TCF20: variants seen among roughly 807,000 people sequenced by gnomAD.
The protein encoded by TCF20 is transcription factor 20, also known as SPRE-binding protein.
Under a neutral mutation model 148.6 loss-of-function variants are expected in TCF20, and 3 were observed. The ratio of observed to expected loss-of-function variants is 0.02; its 90% CI spans 0.01 to 0.05. The LOEUF is 0.05. Ranked by LOEUF, TCF20 falls within the 10% of genes least tolerant of loss-of-function variation. TCF20 has a pLI of 1.00. For synonymous variants in TCF20, 1,049 were observed against 909.5 expected, an observed-to-expected ratio of 1.15 and a Z score of -2.76; for missense variants, 2,350 against 2,429.3, an observed-to-expected ratio of 0.97 and a Z score of 0.69.
intron 1 of TCF20, among the ~76,000 whole-genome samples, chr22:42,256,785 T>C (rs1925769902): frequency 6.6e-6 from 1 of 152,224 alleles, no homozygotes; most frequent in South Asian, 2.1e-4. Context: ...GTTGTGTTTA[T>C]AGGAGTCATC....
At chr22:42,172,373 T>G (rs1936183811) in intron 3 of TCF20, among the ~76,000 whole-genome samples, 1 of 152,194 alleles carries the variant, frequency 6.6e-6, no homozygotes, top group Non-Finnish European at 1.5e-5. Flanking sequence ...TGCACCTACA[T>G]GGCCAGCCAG....
intron 1 of TCF20, among the ~76,000 whole-genome samples, chr22:42,239,780 G>A (rs991268397): frequency 5.9e-5 from 9 of 152,280 alleles, no homozygotes; most frequent in South Asian, 2.1e-4. Context: ...GAGACAGAGC[G>A]AGACTCCGAC....
rs1486830732 is a variant in TCF20, at chr22:42,161,143, T to C, written c.*260A>G. ...CCCCCCTCCCCCCACATTGTCACTA[T>C]GGAGATTGTGTCCATGGAAACAGCC... On this transcript the variant is annotated 3_prime_UTR_variant, in exon 6 of 6. Coordinates refer to ENST00000677622, the MANE Select transcript of TCF20 (RefSeq NM_001378418.1). The C allele has an allele frequency of 8.3e-6, 2 of 240,804 alleles. No individual in the cohort carries two copies. The highest frequency in any genetic ancestry group is 1.7e-5 in the Non-Finnish European group (2 of 120,940). The allele number at this position is 240,804 out of a possible 1,614,324, so 14.9% of individuals were successfully genotyped here. A position where few individuals can be genotyped will look rare whatever the true frequency, so the allele number is the denominator to read the frequency against.
intron 1 of TCF20, among the ~76,000 whole-genome samples, chr22:42,310,615 C>T (rs116262662): frequency 0.014 from 2,051 of 150,654 alleles, 43 homozygotes; most frequent in African/African-American, 0.048. Flanking sequence ...GAAGTGGCAG[C>T]CCGCATGGCT....
intron 1 of TCF20, among the ~76,000 whole-genome samples, chr22:42,268,526 G>T (rs964577445): frequency 6.6e-6 from 1 of 152,204 alleles, no homozygotes; most frequent in African/African-American, 2.4e-5. Flanking sequence ...TGAGAATGCT[G>T]AAACTGGCTG....
intron 1 of TCF20, among the ~76,000 whole-genome samples, chr22:42,325,096 G>T (rs981732468): frequency 6.6e-6 from 1 of 152,242 alleles, no homozygotes; most frequent in African/African-American, 2.4e-5. Flanking sequence ...GCTCTCTGCC[G>T]GCAGCCCCAA....
In TCF20 at chr22:42,292,874, C is replaced by A. The variant is rs1927158404; in HGVS notation, c.-37+50605G>T. ...GGCACAGACACATGGCTGGTGTGACCCTTCCACTGTCCCCAGCGCTGGATA... is the reference window on the plus strand; with the variant it reads ...GGCACAGACACATGGCTGGTGTGACACTTCCACTGTCCCCAGCGCTGGATA... On this transcript the variant is annotated intron_variant, in intron 1 of 1. Transcript: ENST00000515426. This position sits in a 1 kb window ranked among gnomAD's most constrained non-coding sequence, Gnocchi z 4.9. Among the ~76,000 whole-genome samples, 4 of 150,688 alleles carry A rather than the reference C, an allele frequency of 2.7e-5. No individual in the cohort carries two copies. The South Asian group carries it at 6.4e-4, about 24-fold the overall frequency.
At chr22:42,300,362 C>A (rs991183084) in intron 1 of TCF20, among the ~76,000 whole-genome samples, 2 of 152,034 alleles carry the variant, frequency 1.3e-5, no homozygotes, top group African/African-American at 4.8e-5. Flanking sequence ...TATGTGAAAA[C>A]TTCCCTGTTT....
chr22:42,252,588 T>A (rs1177425985), intron 1 of TCF20, among the ~76,000 whole-genome samples: 1 of 151,990 alleles, frequency 6.6e-6, no homozygotes, highest in Non-Finnish European at 1.5e-5. Flanking sequence ...GTAGCTGGGA[T>A]TACAGGCACG....
chr22:42,172,768 C>G (rs1936205729), intron 3 of TCF20, among the ~76,000 whole-genome samples: 1 of 152,226 alleles, frequency 6.6e-6, no homozygotes. Flanking sequence ...GTAGCAGACA[C>G]AGACTCCAAT....
At chr22:42,331,302 G>A (rs560469929) in intron 1 of TCF20, among the ~76,000 whole-genome samples, 21 of 152,254 alleles carry the variant, frequency 1.4e-4, no homozygotes, top group Non-Finnish European at 2.6e-4. Flanking sequence ...CAGTCCTGCC[G>A]CACGCCCTGG....
intron 1 of TCF20, among the ~76,000 whole-genome samples, chr22:42,242,475 C>A (rs1924528291): frequency 6.6e-6 from 1 of 151,928 alleles, no homozygotes; most frequent in Non-Finnish European, 1.5e-5. Context: ...AATTAAATAT[C>A]TATTGTGGTC....
chr22:42,270,882 C>T (rs1468746661), upstream of TCF20, among the ~76,000 whole-genome samples: 3 of 151,206 alleles, frequency 2.0e-5, no homozygotes, highest in African/African-American at 7.3e-5. Context: ...TTCTCCTCTG[C>T]GGCCGCTGGG....
chr22:42,341,082 C>T (rs893292730), intron 1 of TCF20, among the ~76,000 whole-genome samples: 16 of 152,122 alleles, frequency 1.1e-4, no homozygotes, highest in African/African-American at 3.4e-4. Context: ...GAGCAGAGGC[C>T]GGAGGGACGG....
chr22:42,272,276 T>C (rs1463876824), upstream of TCF20, among the ~76,000 whole-genome samples: 1 of 152,212 alleles, frequency 6.6e-6, no homozygotes, highest in Non-Finnish European at 1.5e-5. Flanking sequence ...GGATCAGGGC[T>C]GTAAAGGGAA....
At chr22:42,258,938 C>T (rs1020704617) in intron 1 of TCF20, among the ~76,000 whole-genome samples, 8 of 152,154 alleles carry the variant, frequency 5.3e-5, no homozygotes, top group African/African-American at 1.9e-4. Flanking sequence ...TCTCTAACAG[C>T]CAAACTTTAG....
At chr22:42,216,049 G>C (rs992640917) in intron 1 of TCF20, among the ~76,000 whole-genome samples, 3 of 148,684 alleles carry the variant, frequency 2.0e-5, no homozygotes, top group African/African-American at 7.5e-5. Flanking sequence ...TTATGCGGGG[G>C]AGGGGGTGTG....
At chr22:42,337,175 G>A (rs1383318085) in intron 1 of TCF20, among the ~76,000 whole-genome samples, 1 of 152,078 alleles carries the variant, frequency 6.6e-6, no homozygotes, top group Admixed American at 6.5e-5. Flanking sequence ...AGGCCCCTGT[G>A]GTCTAGCCCT....
intron 1 of TCF20, among the ~76,000 whole-genome samples, chr22:42,268,144 AAAAT>A (rs1256254943): frequency 1.4e-5 from 2 of 146,856 alleles, no homozygotes. Context: ...ACACTGTGTC[AAAAT>A]AAATAAGTAA....
Sources: allele counts gnomAD v4.1 joint callset (sites outside exome capture counted in the v4.1 genomes callset), GRCh38; gene constraint gnomAD v4.1.1; non-coding constraint Gnocchi (gnomAD v3.1); transcripts MANE v1.5; gene names NCBI Gene and HGNC (gene_info 2026-07-23, HGNC 2026-07-21).